The following PRLR variants were observed in gnomAD, a reference collection of about 807,000 sequenced individuals.
The protein encoded by PRLR is hPRL receptor.
PRLR carries 13 observed loss-of-function variants against 40.2 expected under a neutral mutation model. The observed-to-expected ratio is 0.32, with a 90% confidence interval of 0.21 to 0.51. The LOEUF (loss-of-function observed/expected upper bound fraction) is 0.51. PRLR is among the 20% of genes least tolerant of loss of function. The probability of loss-of-function intolerance (pLI) is 0.97; values close to 1 mark genes in which losing one functional copy is unlikely to be tolerated. For missense variants in PRLR, 656 were observed against 747.3 expected, an observed-to-expected ratio of 0.88 and a Z score of 1.42; for synonymous variants, 269 against 278.7, an observed-to-expected ratio of 0.97 and a Z score of 0.35.
At chr5:35,189,353 C>G (rs7721223) in intron 1 of PRLR, among the ~76,000 whole-genome samples, 136,771 of 152,184 alleles carry the variant, frequency 0.9, 62,291 homozygotes, top group African/African-American at 0.97. Context: ...GGTTGAGGCA[C>G]GTGGACCACT....
Position 35,229,462 on chromosome 5 carries a change from T to C in PRLR, c.-106+806A>G, listed in dbSNP as rs372235511. Among the ~76,000 whole-genome samples the C allele has an allele frequency of 3.7e-4, 56 of 152,238 alleles. 1 individual carries two copies. Among genetic ancestry groups the C allele is most frequent in the African/African-American group, 1.3e-3 (54 of 41,530 alleles). ...GGTCACTAAAAGGATAGTTTTCTAC[T>C]CAAAGAGCCAGAACTCCAGCCCTTG... On this transcript the variant is annotated intron_variant, in intron 1 of 9. Transcript: ENST00000618457.
intron 4 of PRLR, among the ~76,000 whole-genome samples, chr5:35,086,003 T>TG (rs1053913038): frequency 6.6e-5 from 10 of 152,010 alleles, no homozygotes; most frequent in African/African-American, 2.4e-4. Context: ...CTGCTATGGC[T>TG]GGTAACCTTA....
intron 1 of PRLR, among the ~76,000 whole-genome samples, chr5:35,212,698 G>C (rs1776200884): frequency 1.3e-5 from 2 of 152,220 alleles, no homozygotes; most frequent in East Asian, 1.9e-4. Context: ...GGACACTACT[G>C]TTCCCATTTT....
At chr5:35,145,729 C>T (rs1446381155) in intron 1 of PRLR, among the ~76,000 whole-genome samples, 1 of 151,436 alleles carries the variant, frequency 6.6e-6, no homozygotes, top group Admixed American at 6.6e-5. Flanking sequence ...AGGCCCTCAA[C>T]AAATGTTCAC....
At chr5:35,132,248 T>C (rs2962089) in intron 1 of PRLR, among the ~76,000 whole-genome samples, 34,772 of 152,052 alleles carry the variant, frequency 0.23, 7,581 homozygotes, top group African/African-American at 0.57. Context: ...CATTTTGTGG[T>C]CTCTAAAGTC....
intron 2 of PRLR, among the ~76,000 whole-genome samples, chr5:35,090,467 G>C (rs1424972145): frequency 2.0e-5 from 3 of 152,086 alleles, no homozygotes; most frequent in Non-Finnish European, 2.9e-5. Context: ...GGAAAAAAAG[G>C]CTCATTAGTC....
At chr5:35,109,473 C>G (rs1772502903) in intron 2 of PRLR, among the ~76,000 whole-genome samples, 1 of 152,080 alleles carries the variant, frequency 6.6e-6, no homozygotes, top group Admixed American at 6.5e-5. Flanking sequence ...ACCCATCTGA[C>G]AAAGGGCTAA....
At position 35,217,398 on chromosome 5, in the gene PRLR, T is replaced by C. The variant is rs146567694; in HGVS notation, c.-106+12870A>G. On this transcript the variant is annotated intron_variant, in intron 1 of 9. Coordinates refer to ENST00000618457, the MANE Select transcript of PRLR (RefSeq NM_000949.7). ...TGTGTGCATCTTGTGTGATTTCATC[T>C]GTTCTTTTATACTTTTCTCTGAAAA... Among the ~76,000 whole-genome samples the C allele has an allele frequency of 9.8e-4, 149 of 152,368 alleles. 1 individual carries two copies. Among genetic ancestry groups the C allele is most frequent in the African/African-American group, 3.2e-3 (134 of 41,586 alleles).
At chr5:35,069,220 G>A (rs1341982759) in intron 7 of PRLR, among the ~76,000 whole-genome samples, 1 of 152,142 alleles carries the variant, frequency 6.6e-6, no homozygotes, top group African/African-American at 2.4e-5. Context: ...CATCAATGGT[G>A]TTAAACTCTT....
At chr5:35,094,289 AGT>A (rs150455824) in intron 2 of PRLR, among the ~76,000 whole-genome samples, 5 of 151,324 alleles carry the variant, frequency 3.3e-5, no homozygotes, top group Admixed American at 1.3e-4. Flanking sequence ...GCATTTCTTG[AGT>A]GTGTGTGTGT....
At chr5:35,110,531 C>T (rs190592857) in intron 2 of PRLR, among the ~76,000 whole-genome samples, 39 of 152,162 alleles carry the variant, frequency 2.6e-4, no homozygotes, top group Non-Finnish European at 4.9e-4. Context: ...TTCCTCACAC[C>T]GCTCTAAAAT....
At chr5:35,086,380 C>G in intron 3 of PRLR, 40 bp from the exon 4 acceptor site, 1 of 1,606,174 alleles carries the variant, frequency 6.2e-7, no homozygotes, top group Non-Finnish European at 8.5e-7. Flanking sequence ...TATTGAGGTC[C>G]ATTTAACCAT....
At chr5:35,153,375 T>C (rs142288110) in intron 1 of PRLR, among the ~76,000 whole-genome samples, 142 of 152,286 alleles carry the variant, frequency 9.3e-4, no homozygotes, top group Admixed American at 2.5e-3. Flanking sequence ...TCTGGGATTG[T>C]CTCTCTCAAA....
chr5:35,074,705 C>T (rs148874043), intron 5 of PRLR, among the ~76,000 whole-genome samples: 1,687 of 151,880 alleles, frequency 0.011, 16 homozygotes, highest in Non-Finnish European at 0.017. Context: ...CTAATGCATT[C>T]AATTGCATAC....
intron 5 of PRLR, among the ~76,000 whole-genome samples, chr5:35,082,327 C>A (rs1392644270): frequency 6.6e-6 from 1 of 152,170 alleles, no homozygotes; most frequent in African/African-American, 2.4e-5. Flanking sequence ...ACATACTAAA[C>A]AATGCTTCTG....
chr5:35,159,166 A>C (rs571156385), intron 1 of PRLR, among the ~76,000 whole-genome samples: 2 of 152,218 alleles, frequency 1.3e-5, no homozygotes, highest in South Asian at 4.1e-4. Context: ...TCTGGATTAC[A>C]GTTCTAGTGA....
At position 35,181,410 on chromosome 5, in the gene PRLR, G is replaced by A. The variant is rs553996606; in HGVS notation, c.-106+48858C>T. ...ACCCTTAATTTCAATAAGGTTATGG[G>A]GAGAGGTGCTGTGTGCTTATATTAA... On this transcript the variant is annotated intron_variant, in intron 1 of 9. Transcript: ENST00000618457. 3.9e-5 allele frequency among the ~76,000 whole-genome samples: 6 copies of A among 152,286 alleles called. 1 individual carries two copies. In the South Asian group the frequency reaches 1.2e-3, roughly 32 times the overall value.
intron 1 of PRLR, among the ~76,000 whole-genome samples, chr5:35,170,071 A>G (rs890201133): frequency 3.3e-5 from 5 of 152,230 alleles, no homozygotes; most frequent in African/African-American, 1.2e-4. Flanking sequence ...GTTTATAAAA[A>G]TGCAAATTTT....
At chr5:35,200,028 A>G (rs1775837229) in intron 1 of PRLR, among the ~76,000 whole-genome samples, 1 of 152,220 alleles carries the variant, frequency 6.6e-6, no homozygotes, top group Non-Finnish European at 1.5e-5. Flanking sequence ...CCAAGCCTTG[A>G]GTGGCTCTGA....
Sources: allele counts gnomAD v4.1 joint callset (sites outside exome capture counted in the v4.1 genomes callset), GRCh38; gene constraint gnomAD v4.1.1; transcripts MANE v1.5; gene names NCBI Gene and HGNC (gene_info 2026-07-23, HGNC 2026-07-21).